Variants in VWA2 observed in about 807,000 individuals in gnomAD.
The protein encoded by VWA2 is von Willebrand factor A domain-containing protein 2.
Under a neutral mutation model 70.4 loss-of-function variants are expected in VWA2, and 73 were observed. The ratio of observed to expected loss-of-function variants is 1.04; its 90% confidence interval spans 0.86 to 1.26. The LOEUF is 1.26. VWA2 is among the 50% of genes most tolerant of loss of function. The pLI is 0.00. For synonymous variants in VWA2, 407 were observed against 423.3 expected, an observed-to-expected ratio of 0.96 and a Z score of 0.47; for missense variants, 1,011 against 998.5, an observed-to-expected ratio of 1.01 and a Z score of -0.17.
At chr10:114,268,843 C>T (rs1245655312) in intron 5 of VWA2, among the ~76,000 whole-genome samples, 2 of 152,060 alleles carry the variant, frequency 1.3e-5, no homozygotes, top group African/African-American at 4.8e-5. Flanking sequence ...GACAGGCACC[C>T]GCCACCATGC....
chr10:114,277,748 TC>T (rs1384318733), intron 6 of VWA2, among the ~76,000 whole-genome samples, 165 bp from the exon 7 acceptor site: 1 of 152,220 alleles, frequency 6.6e-6, no homozygotes, highest in Non-Finnish European at 1.5e-5. Flanking sequence ...CGAACCACTT[TC>T]TTTCATTTCC....
chr10:114,277,634 C>A (rs956804081), intron 6 of VWA2, among the ~76,000 whole-genome samples: 4 of 152,228 alleles, frequency 2.6e-5, no homozygotes, highest in African/African-American at 9.6e-5. Context: ...CTCTAGATGG[C>A]CTCCTATTGC....
chr10:114,289,216 A>G lies in VWA2; in HGVS notation c.1849A>G (p.Ile617Val). The G allele has an allele frequency of 1.9e-6, 3 of 1,613,836 alleles. No homozygotes were observed. Among genetic ancestry groups the G allele is most frequent in the Non-Finnish European group, 2.5e-6 (3 of 1,179,886 alleles). The change falls in exon 12 of 14, where the codon ATC becomes GTC. Residue 617 changes from isoleucine (I) to valine (V), a missense_variant. Coordinates refer to ENST00000392982, the MANE Select transcript of VWA2 (RefSeq NM_001272046.2). ...VGSAGTALLH[I>V]YDKVMTVQRG... Reference sequence around the variant, plus strand: ...CTCAGCCGGCACCGCCCTGCTGCACATCTATGACAAAGTGATGACCGTCCA... The same window carrying G: ...CTCAGCCGGCACCGCCCTGCTGCACGTCTATGACAAAGTGATGACCGTCCA...
chr10:114,284,977 A>T lies in VWA2; in HGVS notation c.997+7A>T. 2 of 1,585,888 alleles carry T rather than the reference A, an allele frequency of 1.3e-6. No homozygotes were observed. The highest frequency in any genetic ancestry group is 1.7e-6 in the Non-Finnish European group (2 of 1,167,654). ...GGAGGGGAGGCTAACTGTGGTAGGT[A>T]TGCACCGGCCCTGCAAGACTGACCA... On this transcript the variant is annotated splice_region_variant and intron_variant, in intron 10 of 13. Coordinates refer to ENST00000392982, the MANE Select transcript of VWA2 (RefSeq NM_001272046.2).
At chr10:114,272,962 C>A in intron 6 of VWA2, 28 bp downstream of exon 6, 1 of 1,581,896 alleles carries the variant, frequency 6.3e-7, no homozygotes, top group African/African-American at 1.3e-5. Flanking sequence ...CCTGGATCAG[C>A]CCTCAGGTGG....
intron 4 of VWA2, among the ~76,000 whole-genome samples, chr10:114,256,950 C>G (rs923318034): frequency 6.6e-6 from 1 of 151,318 alleles, no homozygotes; most frequent in African/African-American, 2.4e-5. Context: ...ATGATGTAGC[C>G]TGGAAAAGCT....
chr10:114,240,046 A>G (rs1263069616), intron 1 of VWA2, among the ~76,000 whole-genome samples: 1 of 152,160 alleles, frequency 6.6e-6, no homozygotes, highest in African/African-American at 2.4e-5. Flanking sequence ...ACTACAGGAC[A>G]TACACAGGTG....
chr10:114,239,628 A>G (rs1164406066), intron 1 of VWA2, 59 bp downstream of exon 1: 1 of 152,242 alleles, frequency 6.6e-6, no homozygotes, highest in East Asian at 1.9e-4. Flanking sequence ...CCGGCTGCCG[A>G]TGACCGATTC....
intron 6 of VWA2, among the ~76,000 whole-genome samples, chr10:114,276,444 A>G (rs1398264326): frequency 6.6e-6 from 1 of 152,200 alleles, no homozygotes; most frequent in African/African-American, 2.4e-5. Flanking sequence ...GTCACTGCCA[A>G]GGGCAGCGTG....
At chr10:114,291,082 C>G in intron 13 of VWA2, 136 bp from the exon 14 acceptor site, 9 of 1,034,148 alleles carry the variant, frequency 8.7e-6, no homozygotes, top group Non-Finnish European at 1.3e-5. Flanking sequence ...CATGGGGTCT[C>G]TAATCTGGCA....
At chr10:114,283,277 A>T (rs2038411016) in intron 9 of VWA2, among the ~76,000 whole-genome samples, 2 of 151,970 alleles carry the variant, frequency 1.3e-5, no homozygotes, top group African/African-American at 4.8e-5. Context: ...GAGCAGTTAG[A>T]CACACAGGCA....
Position 114,282,616 on chromosome 10 carries a change from G to A in VWA2, c.889+45G>A, listed in dbSNP as rs200396392. 8 of 1,563,536 alleles carry A rather than the reference G, an allele frequency of 5.1e-6. No homozygotes were observed. The East Asian group carries it at 1.6e-4, about 31-fold the overall frequency. On this transcript the variant is annotated intron_variant, in intron 9 of 13. Coordinates refer to ENST00000392982, the MANE Select transcript of VWA2 (RefSeq NM_001272046.2). ...TTTACAGGTTCTTTCAGGGCCCTGG[G>A]CCCAGGCTGCTTTGTAAAGTGGCTT... is the stretch of plus-strand genomic sequence containing the variant.
intron 11 of VWA2, among the ~76,000 whole-genome samples, chr10:114,287,489 T>G (rs748203385): frequency 6.6e-6 from 1 of 152,140 alleles, no homozygotes; most frequent in Non-Finnish European, 1.5e-5. Context: ...TTTATAGGGC[T>G]CCTGGAGTTC....
Position 114,284,982 on chromosome 10 carries a change from C to G in VWA2, c.997+12C>G, listed in dbSNP as rs781432156. Reference sequence around the variant, plus strand: ...GGAGGCTAACTGTGGTAGGTATGCACCGGCCCTGCAAGACTGACCACTGGG... The same window carrying G: ...GGAGGCTAACTGTGGTAGGTATGCAGCGGCCCTGCAAGACTGACCACTGGG... On this transcript the variant is annotated intron_variant, in intron 10 of 13. Coordinates refer to ENST00000392982, the MANE Select transcript of VWA2 (RefSeq NM_001272046.2). The G allele has an allele frequency of 6.3e-7, 1 of 1,578,276 alleles. No homozygotes were observed. Among genetic ancestry groups the G allele is most frequent in the Non-Finnish European group, 8.6e-7 (1 of 1,163,940 alleles).
chr10:114,264,483 T>A (rs775196499), intron 5 of VWA2, among the ~76,000 whole-genome samples: 1 of 152,022 alleles, frequency 6.6e-6, no homozygotes, highest in Non-Finnish European at 1.5e-5. Context: ...GGTGGTGCTA[T>A]CTCGGCTCAA....
In VWA2 at chr10:114,273,070, A is replaced by G. The variant is rs141920472; in HGVS notation, c.566+136A>G. On this transcript the variant is annotated intron_variant, in intron 6 of 13. Coordinates refer to ENST00000392982, the MANE Select transcript of VWA2 (RefSeq NM_001272046.2). ...GGATCTGTCTTTTCCTCACTTTGCC[A>G]TTTTGACTCCAGTGCACAGGAAGCT... The G allele has an allele frequency of 2.0e-4, 131 of 669,342 alleles. No individual in the cohort carries two copies. In the African/African-American group the frequency reaches 2.1e-3, roughly 11 times the overall value. The allele number at this position is 669,342 out of a possible 1,614,324, so 41.5% of individuals were successfully genotyped here.
chr10:114,289,443 C>G lies in VWA2; in HGVS notation c.2076C>G (p.Ala692=). Residue 692 remains alanine (A), a synonymous_variant, in exon 12 of 14, where the codon GCC becomes GCG. Transcript: ENST00000392982. ...CCCTGATCCACGTGGCAGCTTACGC[C>G]GACCTGCGGTACCACCAGGACGTGC... ...RDSLIHVAAY[A]DLRYHQDVLI... The G allele has an allele frequency of 1.2e-6, 2 of 1,614,172 alleles. No individual in the cohort carries two copies. The highest frequency in any genetic ancestry group is 1.7e-6 in the Non-Finnish European group (2 of 1,180,028).
intron 11 of VWA2, among the ~76,000 whole-genome samples, chr10:114,287,166 T>C (rs1295122802): frequency 6.6e-6 from 1 of 152,164 alleles, no homozygotes; most frequent in Admixed American, 6.5e-5. Flanking sequence ...TGGCCAGAGA[T>C]GTAGTAGCTG....
intron 5 of VWA2, among the ~76,000 whole-genome samples, chr10:114,267,378 A>G (rs891696125): frequency 6.6e-6 from 1 of 151,552 alleles, no homozygotes; most frequent in African/African-American, 2.4e-5. Flanking sequence ...CGGCCTCCCA[A>G]AGTGCTGGGA....
Sources: allele counts gnomAD v4.1 joint callset (sites outside exome capture counted in the v4.1 genomes callset), GRCh38; gene constraint gnomAD v4.1.1; transcripts MANE v1.5; gene names NCBI Gene and HGNC (gene_info 2026-07-23, HGNC 2026-07-21).